Variants in ISYNA1 observed in about 807,000 individuals in gnomAD.
The protein encoded by ISYNA1 is inositol-3-phosphate synthase 1.
In ISYNA1, 34 loss-of-function variants were observed where a neutral mutation model predicts 50.3. The observed-to-expected ratio is 0.68, with a 90% CI of 0.51 to 0.90. The LOEUF (loss-of-function observed/expected upper bound fraction) is 0.90, where lower values mean the gene tolerates loss of function less well. Among genes scored for constraint, ISYNA1 ranks in the 40% least tolerant of loss-of-function variants. The probability of loss-of-function intolerance (pLI) is 0.00; values close to 1 mark genes in which losing one functional copy is unlikely to be tolerated. For missense variants in ISYNA1, 718 were observed against 784.8 expected (o/e 0.91, Z 1.02); for synonymous variants, 396 against 349.9 (o/e 1.13, Z -1.47).
chr19:18,437,097 G>T lies in ISYNA1; in HGVS notation c.291C>A (p.Asn97Lys). ...WPTRSGRKEA[N>K]YYGSLTQAGT... ...CCGCCTGAGTCAGCGAGCCGTAGTA[G>T]TTGGCCTCCTGGGGGTCAGCAGACA... is the stretch of plus-strand genomic sequence containing the variant. Residue 97 changes from asparagine (N) to lysine (K), a missense_variant, in exon 4 of 11, where the codon AAC (asparagine) becomes AAA (lysine). Physicochemically the swap from Asn to Lys is moderately conservative, Grantham distance 94. Coordinates refer to ENST00000338128, the MANE Select transcript of ISYNA1 (RefSeq NM_016368.5). 1.3e-6 allele frequency: 2 copies of T among 1,582,960 alleles called. No individual in the cohort carries two copies. Among genetic ancestry groups the T allele is most frequent in the African/African-American group, 2.7e-5 (2 of 74,490 alleles).
At position 18,435,009 on chromosome 19, in the gene ISYNA1, C is replaced by A. The variant is rs200221382; in HGVS notation, c.1581G>T (p.Met527Ile). Residue 527 changes from methionine to isoleucine, a missense_variant, in exon 11 of 11, where the codon ATG becomes ATT. Physicochemically the swap from Met to Ile is conservative, Grantham distance 10 (BLOSUM62 1). This residue lies in a region of ISYNA1 where 305 missense variants were observed against 292.6 expected (regional missense o/e 1.04). Transcript: ENST00000338128. ...CGGGTACCGGTCCTTTCTTGTTCAA[C>A]ATAGGGTAGGTGGCAGCCACGGGTC... ...RVGPVAATYP[M>I]LNKKGPVPAA... 6.2e-7 allele frequency: 1 copy of A among 1,613,540 alleles called. No homozygotes were observed. The highest frequency in any genetic ancestry group is 1.1e-5 in the South Asian group (1 of 91,088).
In ISYNA1 at chr19:18,435,271, G is replaced by GCTGGGGTGC; in HGVS notation, c.1466_1467insGCACCCCAG (p.Ile489delinsMetHisProSer). On this transcript the variant is annotated protein_altering_variant, in exon 10 of 11. Transcript: ENST00000338128. ...ACCTGGAGGCTGGGGTGCACCTGAG[G>GCTGGGGTGC]ATGTTCTCGATGCAGCTGCGCTGGC... 5 of 1,605,194 alleles carry GCTGGGGTGC rather than the reference G, an allele frequency of 3.1e-6. No individual in the cohort carries two copies. The highest frequency in any genetic ancestry group is 4.2e-6 in the Non-Finnish European group (5 of 1,178,984).
Position 18,438,106 on chromosome 19 carries a change from A to C in ISYNA1, c.-23T>G. Reference sequence around the variant, plus strand: ...AACCGCACTCACCGGCGCAGAGTCGACTCAGGCAGCGGCGGCGGACAGCGC... The same window carrying C: ...AACCGCACTCACCGGCGCAGAGTCGCCTCAGGCAGCGGCGGCGGACAGCGC... On this transcript the variant is annotated 5_prime_UTR_variant, in exon 1 of 11. Coordinates refer to ENST00000338128, the MANE Select transcript of ISYNA1 (RefSeq NM_016368.5). The C allele has an allele frequency of 9.5e-7, 1 of 1,048,356 alleles. No homozygotes were observed. Among genetic ancestry groups the C allele is most frequent in the Non-Finnish European group, 1.3e-6 (1 of 777,132 alleles). The allele number at this position is 1,048,356 out of a possible 1,614,324, so 64.9% of individuals were successfully genotyped here.
rs768509528 is a variant in ISYNA1, at chr19:18,435,283, G to A, written c.1455C>T (p.Cys485=). The A allele has an allele frequency of 5.0e-6, 8 of 1,606,348 alleles. No individual in the cohort carries two copies. In the South Asian group the frequency reaches 7.7e-5, roughly 15 times the overall value. The change falls in exon 10 of 11, where the codon TGC becomes TGT. Residue 485 remains cysteine, a synonymous_variant. Transcript: ENST00000338128. ...VVNALFRQRS[C]IENILRACVG... ...GGGTGCACCTGAGGATGTTCTCGATGCAGCTGCGCTGGCGGAAAAGCGCAT... is the reference window on the plus strand; with the variant it reads ...GGGTGCACCTGAGGATGTTCTCGATACAGCTGCGCTGGCGGAAAAGCGCAT...
Position 18,437,952 on chromosome 19 carries a change from C to A in ISYNA1, c.28G>T (p.Glu10Ter). 6.3e-7 allele frequency: 1 copy of A among 1,599,814 alleles called. No homozygotes were observed. Among genetic ancestry groups the A allele is most frequent in the Non-Finnish European group, 8.5e-7 (1 of 1,174,618 alleles). MEAAAQFFVESPDVVYGPEA... is the reference protein window; with the variant it reads MEAAAQFFV ...GGGCCGTAGACCACGTCCGGGCTCT[C>A]GACGAAGAACTGGGCGGCGGCCTCC... The change falls in exon 2 of 11, where the codon GAG (glutamate) becomes TAG (stop). Residue 10 changes from glutamate (E) to a stop codon, truncating the protein, a stop_gained. Transcript: ENST00000338128. LOFTEE classifies it high-confidence loss of function.
chr19:18,437,325 C>G lies in ISYNA1; in HGVS notation c.283-220G>C, dbSNP rs537880131. 5,224 of 1,409,510 alleles carry G rather than the reference C, an allele frequency of 3.7e-3. 19 individuals carry two copies. Among genetic ancestry groups the G allele is most frequent in the Non-Finnish European group, 4.3e-3 (4,665 of 1,085,030 alleles). 87.3% of individuals were successfully genotyped at this position (1,409,510 alleles called of 1,614,324 possible). On this transcript the variant is annotated intron_variant, in intron 3 of 10. Coordinates refer to ENST00000338128, the MANE Select transcript of ISYNA1 (RefSeq NM_016368.5). ...TAAGACTCCCGAGGAGTCCCCGCTACCTCGCGAAACCCTTCCACGGGGTCC... is the reference window on the plus strand; with the variant it reads ...TAAGACTCCCGAGGAGTCCCCGCTAGCTCGCGAAACCCTTCCACGGGGTCC...
chr19:18,437,107 T>G lies in ISYNA1; in HGVS notation c.283-2A>C. 1 of 1,574,708 alleles carries G rather than the reference T, an allele frequency of 6.4e-7. No individual in the cohort carries two copies. Among genetic ancestry groups the G allele is most frequent in the Non-Finnish European group, 8.6e-7 (1 of 1,161,704 alleles). On this transcript the variant is annotated splice_acceptor_variant, in intron 3 of 10. Coordinates refer to ENST00000338128, the MANE Select transcript of ISYNA1 (RefSeq NM_016368.5). LOFTEE classifies it high-confidence loss of function. ...CAGCGAGCCGTAGTAGTTGGCCTCC[T>G]GGGGGTCAGCAGACACGGCGAGGTG... is the stretch of plus-strand genomic sequence containing the variant.
Position 18,437,700 on chromosome 19 carries a change from C to A in ISYNA1, c.181G>T (p.Val61Phe), listed in dbSNP as rs1187969676. The change falls in exon 3 of 11, where the codon GTC (valine) becomes TTC (phenylalanine). Residue 61 changes from valine (V) to phenylalanine (F), a missense_variant. Coordinates refer to ENST00000338128, the MANE Select transcript of ISYNA1 (RefSeq NM_016368.5). ...TTCCCGCCCCAGCCGACAAGCATGA[C>A]CCCGAGCCGGGGCACCTGCCGGGCG... The part of the protein sequence containing the change: ...RTARQVPRLG[V>F]MLVGWGGNNG... 5 of 1,554,422 alleles carry A rather than the reference C, an allele frequency of 3.2e-6. No homozygotes were observed. The highest frequency in any genetic ancestry group is 3.5e-6 in the Non-Finnish European group (4 of 1,152,732).
chr19:18,437,883 T>C lies in ISYNA1; in HGVS notation c.97A>G (p.Ser33Gly), dbSNP rs1220558119. The change falls in exon 2 of 11, where the codon AGC (serine) becomes GGC (glycine). Residue 33 changes from serine (S) to glycine (G), a missense_variant. Physicochemically the swap from Ser to Gly is moderately conservative, Grantham distance 56. Around this residue, in one of 3 missense-constraint regions of ISYNA1, gnomAD observed 403 missense variants for 466.6 expected, o/e 0.86. Transcript: ENST00000338128. ...ACCTTGAGAACGCCACCCTCGCGGC[T>C]GACGCGCGTCGTCCGGTACTCGTAT... ...AQYEYRTTRV[S>G]REGGVLKVHP... is the part of the protein sequence containing the mutation. 1 of 1,611,896 alleles carries C rather than the reference T, an allele frequency of 6.2e-7. No individual in the cohort carries two copies. The highest frequency in any genetic ancestry group is 1.3e-5 in the African/African-American group (1 of 74,900).
intron 3 of ISYNA1, 166 bp downstream of exon 3, chr19:18,437,433 C>T (rs1974105415): frequency 2.6e-6 from 3 of 1,153,732 alleles, no homozygotes; most frequent in African/African-American, 1.6e-5. Flanking sequence ...CACTACAGGC[C>T]TCCAGACCCG....
chr19:18,435,944 A>G, intron 7 of ISYNA1, 23 bp from the exon 8 acceptor site: 1 of 1,613,490 alleles, frequency 6.2e-7, no homozygotes, highest in Non-Finnish European at 8.5e-7. Context: ...GGGAAGCCCC[A>G]GCAGCTGCAG....
Position 18,434,865 on chromosome 19 carries a change from G to T in ISYNA1, c.*48C>A. On this transcript the variant is annotated 3_prime_UTR_variant, in exon 11 of 11. Coordinates refer to ENST00000338128, the MANE Select transcript of ISYNA1 (RefSeq NM_016368.5). ...TTGTGGGGGCCTTCAAGGTAGGGTC[G>T]TGGGGGGCAGCGGGGAGGAAGAGCC... 2 of 1,524,952 alleles carry T rather than the reference G, an allele frequency of 1.3e-6. No homozygotes were observed. The highest frequency in any genetic ancestry group is 1.8e-6 in the Non-Finnish European group (2 of 1,102,314). 94.5% of individuals were successfully genotyped at this position (1,524,952 alleles called of 1,614,324 possible).
In ISYNA1 at chr19:18,438,109, C is replaced by T. The variant is rs533611280; in HGVS notation, c.-26G>A. ...CGCACTCACCGGCGCAGAGTCGACT[C>T]AGGCAGCGGCGGCGGACAGCGCGGG... On this transcript the variant is annotated 5_prime_UTR_variant, in exon 1 of 11. Coordinates refer to ENST00000338128, the MANE Select transcript of ISYNA1 (RefSeq NM_016368.5). 1.4e-5 allele frequency: 14 copies of T among 1,021,390 alleles called. No homozygotes were observed. In the East Asian group the frequency reaches 4.5e-4, roughly 33 times the overall value. The allele number at this position is 1,021,390 out of a possible 1,614,324, so 63.3% of individuals were successfully genotyped here. A position where few individuals can be genotyped will look rare whatever the true frequency, so the allele number is the denominator to read the frequency against.
intron 10 of ISYNA1, 71 bp from the exon 11 acceptor site, chr19:18,435,188 C>T: frequency 6.3e-7 from 1 of 1,596,924 alleles, no homozygotes. Flanking sequence ...CTGCCACCTA[C>T]AGCCCCCCAA....
chr19:18,437,225 G>GTT (rs1974094954), intron 3 of ISYNA1, 120 bp from the exon 4 acceptor site: 1 of 1,449,058 alleles, frequency 6.9e-7, no homozygotes, highest in Non-Finnish European at 9.1e-7. Context: ...TCAGTTCCAG[G>GTT]CTCACAGCCA....
In ISYNA1 at chr19:18,437,919, T is replaced by C. The variant is rs758747786; in HGVS notation, c.61A>G (p.Ile21Val). ...SPDVVYGPEA[I>V]EAQYEYRTTR... ...GTCCGGTACTCGTATTGCGCCTCGA[T>C]GGCCTCGGGGCCGTAGACCACGTCC... Residue 21 changes from isoleucine (I) to valine (V), a missense_variant, in exon 2 of 11, where the codon ATC (isoleucine) becomes GTC (valine). Ile to Val is a conservative substitution (Grantham distance 29). Around this residue, in one of 3 missense-constraint regions of ISYNA1, gnomAD observed 403 missense variants for 466.6 expected, o/e 0.86. Coordinates refer to ENST00000338128, the MANE Select transcript of ISYNA1 (RefSeq NM_016368.5). The C allele has an allele frequency of 3.1e-6, 5 of 1,611,318 alleles. No individual in the cohort carries two copies. The highest frequency in any genetic ancestry group is 1.7e-5 in the Admixed American group (1 of 59,930).
At position 18,435,029 on chromosome 19, in the gene ISYNA1, C is replaced by T. The variant is rs147275395; in HGVS notation, c.1561G>A (p.Val521Met). 3.7e-6 allele frequency: 6 copies of T among 1,613,594 alleles called. No individual in the cohort carries two copies. The highest frequency in any genetic ancestry group is 1.7e-5 in the Admixed American group (1 of 60,016). ...PGPSLKRVGP[V>M]AATYPMLNKK... Reference sequence around the variant, plus strand: ...TTCAACATAGGGTAGGTGGCAGCCACGGGTCCAACTCGCTTGAGGCTGGGC... The same window carrying T: ...TTCAACATAGGGTAGGTGGCAGCCATGGGTCCAACTCGCTTGAGGCTGGGC... Residue 521 changes from valine (V) to methionine (M), a missense_variant, in exon 11 of 11, where the codon GTG becomes ATG. By Grantham distance (21) the Val-to-Met change is conservative. This residue lies in a region of ISYNA1 where 305 missense variants were observed against 292.6 expected (regional missense o/e 1.04). Transcript: ENST00000338128.
rs769054954 is a variant in ISYNA1 at position 18,437,628 on chromosome 19, A to C, written c.253T>G (p.Leu85Val). The C allele has an allele frequency of 2.0e-6, 3 of 1,535,142 alleles. No homozygotes were observed. In the African/African-American group the frequency reaches 4.1e-5, roughly 21 times the overall value. The part of the protein sequence containing the change: ...TAAVLANRLR[L>V]SWPTRSGRKE... ...CGGCCGCTGCGCGTGGGCCAGGACAAACGCAGTCGATTGGCCAGCACCGCG... is the reference window on the plus strand; with the variant it reads ...CGGCCGCTGCGCGTGGGCCAGGACACACGCAGTCGATTGGCCAGCACCGCG... Residue 85 changes from leucine (L) to valine (V), a missense_variant, in exon 3 of 11, where the codon TTG (leucine) becomes GTG (valine). By Grantham distance (32) the Leu-to-Val change is conservative (BLOSUM62 1). This residue lies in a region of ISYNA1 where 403 missense variants were observed against 466.6 expected (regional missense o/e 0.86). Transcript: ENST00000338128.
Position 18,436,326 on chromosome 19 carries a change from C to G in ISYNA1, c.759+4G>C, listed in dbSNP as rs1232832720. 4 of 1,611,666 alleles carry G rather than the reference C, an allele frequency of 2.5e-6. No individual in the cohort carries two copies. The Admixed American group carries it at 5.0e-5, about 20-fold the overall frequency. Reference sequence around the variant, plus strand: ...TGACCCGCTCCACCCGGGCGTTCGCCCACCTCAATGGTGCGCAGCAGGTTC... The same window carrying G: ...TGACCCGCTCCACCCGGGCGTTCGCGCACCTCAATGGTGCGCAGCAGGTTC... On this transcript the variant is annotated splice_donor_region_variant and intron_variant, in intron 6 of 10. Coordinates refer to ENST00000338128, the MANE Select transcript of ISYNA1 (RefSeq NM_016368.5).
Sources: allele counts gnomAD v4.1 joint callset, GRCh38; gene constraint gnomAD v4.1.1; regional missense constraint gnomAD v4.1.1; transcripts MANE v1.5; gene names NCBI Gene and HGNC (gene_info 2026-07-23, HGNC 2026-07-21).